Variants in TTN observed in about 807,000 individuals in gnomAD.
TTN encodes titin.
TTN carries 1,525 observed loss-of-function variants against 3,223.0 expected under a neutral mutation model. The observed-to-expected ratio is 0.47, with a 90% CI of 0.45 to 0.49. TTN has a LOEUF of 0.49. TTN is among the 20% of genes least tolerant of loss of function. TTN has a pLI of 0.00. For synonymous variants in TTN, 14,094 were observed against 15,161.0 expected, an observed-to-expected ratio of 0.93 and a Z score of 5.17; for missense variants, 40,786 against 43,424.0, an observed-to-expected ratio of 0.94 and a Z score of 5.40.
chr2:178,592,640 C>T lies in TTN; in HGVS notation c.59365G>A (p.Asp19789Asn), dbSNP rs1352997069. Residue 19789 changes from aspartate (D) to asparagine (N), a missense_variant, in exon 301 of 363, where the codon GAT (aspartate) becomes AAT (asparagine). By Grantham distance (23) the Asp-to-Asn change is conservative. Coordinates refer to ENST00000589042, the MANE Select transcript of TTN (RefSeq NM_001267550.2). The stretch of plus-strand genomic sequence containing the variant: ...TGTTGTTCTCTTGCCATGTTGGCAT[C>T]AAGAATCAACTCAGGGGGTTCTAGA... ...DRLEPPELILDANMAREQHIK... is the reference protein window; with the variant it reads ...DRLEPPELILNANMAREQHIK... 23 of 1,613,016 alleles carry T rather than the reference C, an allele frequency of 1.4e-5. No individual in the cohort carries two copies. The Admixed American group carries it at 3.0e-4, about 21-fold the overall frequency.
intron 78 of TTN, among the ~76,000 whole-genome samples, 177 bp from the exon 79 acceptor site, chr2:178,721,379 AT>A (rs551824304): frequency 1.1e-3 from 169 of 149,530 alleles, no homozygotes; most frequent in African/African-American, 2.2e-3. Context: ...ATCTCATAAC[AT>A]TTTTTTTTTA....
At chr2:178,800,224 G>T (rs1191442049) in intron 4 of TTN, among the ~76,000 whole-genome samples, 171 bp downstream of exon 4, 1 of 152,036 alleles carries the variant, frequency 6.6e-6, no homozygotes, top group Non-Finnish European at 1.5e-5. Context: ...TCTATTCTGC[G>T]CTCCTGACTA....
In TTN at chr2:178,611,028, C is replaced by A; in HGVS notation, c.51101G>T (p.Gly17034Val). The part of the protein sequence containing the change: ...IYTITLENKL[G>V]SATASINVKV... ...GACATTGATTGAGGCTGTTGCTGAG[C>A]CGAGCTTATTCTCCAGTGTAATGGT... The change falls in exon 270 of 363, where the codon GGC (glycine) becomes GTC (valine). Residue 17034 changes from glycine to valine, a missense_variant. Coordinates refer to ENST00000589042, the MANE Select transcript of TTN (RefSeq NM_001267550.2). The A allele has an allele frequency of 6.2e-7, 1 of 1,612,556 alleles. No individual in the cohort carries two copies. The highest frequency in any genetic ancestry group is 8.5e-7 in the Non-Finnish European group (1 of 1,179,072).
In TTN at chr2:178,652,465, A is replaced by G. The variant is rs1157304666; in HGVS notation, c.39120T>C (p.Pro13040=). 7 of 1,611,394 alleles carry G rather than the reference A, an allele frequency of 4.3e-6. No individual in the cohort carries two copies. Among genetic ancestry groups the G allele is most frequent in the Non-Finnish European group, 5.9e-6 (7 of 1,178,936 alleles). Residue 13040 remains proline (P), a synonymous_variant, in exon 202 of 363, where the codon CCT becomes CCC. Transcript: ENST00000589042. ...AAPPKKPEVT[P]VKVPEAPKEV... ...AAAATCAGTGACAAATACCTTTAAC[A>G]GGTGTGACTTCAGGCTTTTTAGGAG...
intron 137 of TTN, 48 bp downstream of exon 137, chr2:178,681,328 A>G: frequency 6.5e-7 from 1 of 1,543,636 alleles, no homozygotes; most frequent in Non-Finnish European, 8.9e-7. Flanking sequence ...ATGATTTTAG[A>G]ACATACATAA....
At chr2:178,684,299 A>G in intron 132 of TTN, 31 bp downstream of exon 132, 2 of 1,607,042 alleles carry the variant, frequency 1.2e-6, no homozygotes, top group South Asian at 2.2e-5. Context: ...GGGCAAGTAC[A>G]ATATTGTGCA....
intron 275 of TTN, 45 bp downstream of exon 275, chr2:178,608,133 A>T (rs1215964892): frequency 6.2e-7 from 1 of 1,603,860 alleles, no homozygotes; most frequent in African/African-American, 1.3e-5. Context: ...TTTAAAATGT[A>T]CAATAGCTTG....
intron 6 of TTN, chr2:178,799,220 C>T: frequency 2.2e-6 from 1 of 461,260 alleles, no homozygotes; most frequent in Non-Finnish European, 4.0e-6. Context: ...CCCAAGATCA[C>T]CCTGACCTGC....
At position 178,734,923 on chromosome 2, in the gene TTN, G is replaced by A; in HGVS notation, c.15001C>T (p.Leu5001Phe). ...YLMLPGESAR[L>F]HCKLKGSPVI... ...GGTGAGCCTTTCAGCTTGCAATGGA[G>A]GCGTGCTGATTCACCTGGGAGCATT... is the stretch of plus-strand genomic sequence containing the variant. Residue 5001 changes from leucine to phenylalanine, a missense_variant, in exon 51 of 363, where the codon CTC becomes TTC. By Grantham distance (22) the Leu-to-Phe change is conservative. Transcript: ENST00000589042. The A allele has an allele frequency of 1.9e-6, 3 of 1,611,734 alleles. No homozygotes were observed. The highest frequency in any genetic ancestry group is 2.5e-6 in the Non-Finnish European group (3 of 1,178,734).
At chr2:178,793,617 A>C in intron 8 of TTN, 76 bp from the exon 9 acceptor site, 1 of 1,595,140 alleles carries the variant, frequency 6.3e-7, no homozygotes, top group East Asian at 2.2e-5. Context: ...AGCCTCGCCA[A>C]CATGGTGAAA....
At position 178,559,750 on chromosome 2, in the gene TTN, G is replaced by C; in HGVS notation, c.86382C>G (p.Asp28794Glu). 1.3e-6 allele frequency: 2 copies of C among 1,599,028 alleles called. No individual in the cohort carries two copies. Among genetic ancestry groups the C allele is most frequent in the Non-Finnish European group, 1.7e-6 (2 of 1,172,070 alleles). Reference sequence around the variant, plus strand: ...TATCAACATAAGCTCTAGTACGGAGGTCAGTGTCTGGCTTACTCCACAAGA... The same window carrying C: ...TATCAACATAAGCTCTAGTACGGAGCTCAGTGTCTGGCTTACTCCACAAGA... ...PNVLWSKPDT[D>E]LRTRAYVDTT... Residue 28794 changes from aspartate (D) to glutamate (E), a missense_variant, in exon 326 of 363, where the codon GAC (aspartate) becomes GAG (glutamate). Transcript: ENST00000589042.
rs769785443 is a variant in TTN at position 178,672,203 on chromosome 2, T to A, written c.34995A>T (p.Arg11665Ser). 2 of 1,567,918 alleles carry A rather than the reference T, an allele frequency of 1.3e-6. No homozygotes were observed. The highest frequency in any genetic ancestry group is 2.3e-5 in the South Asian group (2 of 87,254). The change falls in exon 155 of 363, where the codon AGA (arginine) becomes AGT (serine). Residue 11665 changes from arginine to serine, a missense_variant. By Grantham distance (110) the Arg-to-Ser change is moderately radical. Coordinates refer to ENST00000589042, the MANE Select transcript of TTN (RefSeq NM_001267550.2). ...AFRQEVVVKE[R>S]LELEVVEAEV... ...CTGCTTCTACTACTTCTAATTCTAGTCTTTCTTTTACTACTACTTCTTGGC... is the reference window on the plus strand; with the variant it reads ...CTGCTTCTACTACTTCTAATTCTAGACTTTCTTTTACTACTACTTCTTGGC...
rs1196100927 is a variant in TTN at position 178,593,090 on chromosome 2, A to T, written c.59036-7T>A. ...ACAGGTGGACTTGGTTTAGCTAAAA[A>T]ATAAAAGTAAAAAACGAATTAGCAT... On this transcript the variant is annotated splice_region_variant and splice_polypyrimidine_tract_variant and intron_variant, in intron 299 of 362. Coordinates refer to ENST00000589042, the MANE Select transcript of TTN (RefSeq NM_001267550.2). 1 of 1,610,986 alleles carries T rather than the reference A, an allele frequency of 6.2e-7. No individual in the cohort carries two copies. Among genetic ancestry groups the T allele is most frequent in the Non-Finnish European group, 8.5e-7 (1 of 1,179,030 alleles).
At position 178,672,018 on chromosome 2, in the gene TTN, T is replaced by A; in HGVS notation, c.35180A>T (p.Glu11727Val). The A allele has an allele frequency of 6.2e-7, 1 of 1,608,780 alleles. No individual in the cohort carries two copies. The highest frequency in any genetic ancestry group is 8.5e-7 in the Non-Finnish European group (1 of 1,178,304). The change falls in exon 155 of 363, where the codon GAG (glutamate) becomes GTG (valine). Residue 11727 changes from glutamate to valine, a missense_variant. By Grantham distance (121) the Glu-to-Val change is moderately radical. Transcript: ENST00000589042. ...TTCAAATACTTCCACTTCTTCAGCCTCAAAAACTTCTATTACCCTATGAAC... is the reference window on the plus strand; with the variant it reads ...TTCAAATACTTCCACTTCTTCAGCCACAAAAACTTCTATTACCCTATGAAC... ...EKVHRVIEVFEAEEVEVFEKP... is the reference protein window; with the variant it reads ...EKVHRVIEVFVAEEVEVFEKP...
chr2:178,604,360 C>G, intron 281 of TTN, 55 bp from the exon 282 acceptor site: 1 of 1,327,856 alleles, frequency 7.5e-7, no homozygotes, highest in Non-Finnish European at 9.7e-7. Flanking sequence ...TGTTGGTTTT[C>G]ACTCATTTAA....
rs2078523198 is a variant in TTN at position 178,722,281 on chromosome 2, A to G, written c.22506T>C (p.Ser7502=). The G allele has an allele frequency of 6.2e-7, 1 of 1,600,998 alleles. No homozygotes were observed. Among genetic ancestry groups the G allele is most frequent in the Non-Finnish European group, 8.5e-7 (1 of 1,173,564 alleles). Reference sequence around the variant, plus strand: ...AACCTCTTGCTGTGAGTCTAGCACTAGAAGATGCTGTTCCAAGTGGGTTGG... The same window carrying G: ...AACCTCTTGCTGTGAGTCTAGCACTGGAAGATGCTGTTCCAAGTGGGTTGG... ...SASNPLGTAS[S]SARLTAREPK... is the part of the protein sequence containing the mutation. Residue 7502 remains serine (S), a synonymous_variant, in exon 77 of 363, where the codon TCT becomes TCC. Transcript: ENST00000589042.
chr2:178,730,297 C>T lies in TTN; in HGVS notation c.18103G>A (p.Val6035Met), dbSNP rs909868763. Residue 6035 changes from valine (V) to methionine (M), a missense_variant, in exon 62 of 363, where the codon GTG (valine) becomes ATG (methionine). Coordinates refer to ENST00000589042, the MANE Select transcript of TTN (RefSeq NM_001267550.2). The stretch of plus-strand genomic sequence containing the variant: ...ATTGTCATGGGTGCAGTGCCACCCA[C>T]AAGAGCCTTTAACTGTACCCTTGTG... The part of the protein sequence containing the change: ...PNTRVQLKAL[V>M]GGTAPMTIKW... 2 of 1,612,004 alleles carry T rather than the reference C, an allele frequency of 1.2e-6. No homozygotes were observed. Among genetic ancestry groups the T allele is most frequent in the Middle Eastern group, 1.7e-4 (1 of 6,052 alleles).
In TTN at chr2:178,610,115, A is replaced by G; in HGVS notation, c.51411T>C (p.Asn17137=). 1 of 1,612,828 alleles carries G rather than the reference A, an allele frequency of 6.2e-7. No homozygotes were observed. The highest frequency in any genetic ancestry group is 8.5e-7 in the Non-Finnish European group (1 of 1,179,302). The change falls in exon 271 of 363, where the codon AAT becomes AAC. Residue 17137 remains asparagine (N), a synonymous_variant. Coordinates refer to ENST00000589042, the MANE Select transcript of TTN (RefSeq NM_001267550.2). ...VGGGEYIELK[N]PVIAQDPKQP... ...GCTTTGGATCTTGAGCAATGACTGGATTTTTCAGTTCAATATATTCTCCTC... is the reference window on the plus strand; with the variant it reads ...GCTTTGGATCTTGAGCAATGACTGGGTTTTTCAGTTCAATATATTCTCCTC...
In TTN at chr2:178,728,709, C is replaced by T; in HGVS notation, c.19217G>A (p.Cys6406Tyr). The T allele has an allele frequency of 6.2e-7, 1 of 1,613,014 alleles. No individual in the cohort carries two copies. The highest frequency in any genetic ancestry group is 2.2e-5 in the East Asian group (1 of 44,824). ...GAGTTCTGGTGTTCCAGCCACAACA[C>T]ATTCCAAGGTCATGGGATCTTTCTC... ...VTEKDPMTLE[C>Y]VVAGTPELKV... Residue 6406 changes from cysteine (C) to tyrosine (Y), a missense_variant, in exon 66 of 363, where the codon TGT becomes TAT. Cys to Tyr is a radical substitution (Grantham distance 194). Transcript: ENST00000589042.
Sources: allele counts gnomAD v4.1 joint callset (sites outside exome capture counted in the v4.1 genomes callset), GRCh38; gene constraint gnomAD v4.1.1; transcripts MANE v1.5; gene names NCBI Gene and HGNC (gene_info 2026-07-23, HGNC 2026-07-21).